Variants in TMEM167B observed in about 807,000 individuals in gnomAD.
TMEM167B encodes transmembrane protein 167B, also known as protein kish-B.
In TMEM167B, 2 loss-of-function variants were observed where a neutral mutation model predicts 9.4. The ratio of observed to expected loss-of-function variants is 0.21; its 90% CI spans 0.09 to 0.67. TMEM167B has a LOEUF of 0.67. TMEM167B is among the 30% of genes least tolerant of loss of function. The pLI is 0.82. For synonymous variants in TMEM167B, 28 were observed against 32.0 expected (o/e 0.87, Z 0.42); for missense variants, 68 against 87.6 (o/e 0.78, Z 0.89).
In TMEM167B at chr1:109,094,765, C is replaced by A. The variant is rs1231624218; in HGVS notation, c.*266C>A. The stretch of plus-strand genomic sequence containing the variant: ...CATATAATGTCCGGATAAATTACAC[C>A]CCTCGGTGATAAGATTACATACCTC... On this transcript the variant is annotated 3_prime_UTR_variant, in exon 3 of 3. Transcript: ENST00000338272. 4.8e-6 allele frequency: 2 copies of A among 418,470 alleles called. No homozygotes were observed. The highest frequency in any genetic ancestry group is 8.6e-6 in the Non-Finnish European group (2 of 233,350). The allele number at this position is 418,470 out of a possible 1,614,324, so 25.9% of individuals were successfully genotyped here.
chr1:109,094,713 A>G lies in TMEM167B; in HGVS notation c.*214A>G, dbSNP rs2102129280. 1.7e-6 allele frequency: 1 copy of G among 579,128 alleles called. No individual in the cohort carries two copies. The highest frequency in any genetic ancestry group is 3.1e-6 in the Non-Finnish European group (1 of 325,052). 35.9% of individuals were successfully genotyped at this position (579,128 alleles called of 1,614,324 possible). ...ACAGAAAGCCAGCTTCCTTTGATCT[A>G]TGTGTAAATCAGTCCTTGGCAGAGT... is the stretch of plus-strand genomic sequence containing the variant. On this transcript the variant is annotated 3_prime_UTR_variant, in exon 3 of 3. Coordinates refer to ENST00000338272, the MANE Select transcript of TMEM167B (RefSeq NM_020141.4).
At chr1:109,090,998 T>C in intron 1 of TMEM167B, 116 bp downstream of exon 1, 4 of 1,307,004 alleles carry the variant, frequency 3.1e-6, no homozygotes. Context: ...CGGCCCCCCT[T>C]GGCCTCTCGA....
chr1:109,092,429 C>A (rs1179832616), intron 1 of TMEM167B, among the ~76,000 whole-genome samples: 1 of 152,132 alleles, frequency 6.6e-6, no homozygotes, highest in East Asian at 1.9e-4. Flanking sequence ...ATGTTAAATT[C>A]TCTGTGCTGA....
intron 1 of TMEM167B, 149 bp downstream of exon 1, chr1:109,091,031 A>G (rs1490103418): frequency 4.5e-6 from 4 of 897,914 alleles, no homozygotes; most frequent in African/African-American, 3.7e-5. Context: ...CTGTACCCCT[A>G]TACTCCTCTA....
Position 109,095,275 on chromosome 1 carries a change from A to G in TMEM167B, c.*776A>G, listed in dbSNP as rs1232226244. The G allele has an allele frequency of 6.6e-6, 1 of 152,216 alleles. No homozygotes were observed. Among genetic ancestry groups the G allele is most frequent in the Admixed American group, 6.5e-5 (1 of 15,272 alleles). 9.4% of individuals were successfully genotyped at this position (152,216 alleles called of 1,614,324 possible). ...ATGGTATATGAAAAATGAATCAACT[A>G]TTGCTATTTCGTAAAACCTTTTTAT... is the stretch of plus-strand genomic sequence containing the variant. On this transcript the variant is annotated 3_prime_UTR_variant, in exon 3 of 3. Transcript: ENST00000338272.
chr1:109,093,414 C>G (rs1311358633), intron 2 of TMEM167B: 1 of 173,994 alleles, frequency 5.7e-6, no homozygotes, highest in Non-Finnish European at 1.2e-5. Context: ...ATTGCTTGAG[C>G]CTAGGAGGTT....
intron 2 of TMEM167B, chr1:109,093,321 A>G (rs768014353): frequency 3.6e-6 from 1 of 275,030 alleles, no homozygotes; most frequent in Non-Finnish European, 7.0e-6. Context: ...GTGAGACCCC[A>G]TTTCTACAAA....
At chr1:109,094,176 A>G (rs945045106) in intron 2 of TMEM167B, among the ~76,000 whole-genome samples, 1 of 152,164 alleles carries the variant, frequency 6.6e-6, no homozygotes, top group Non-Finnish European at 1.5e-5. Flanking sequence ...GCTACTCAAG[A>G]GGCTGAGGCA....
intron 1 of TMEM167B, among the ~76,000 whole-genome samples, chr1:109,091,102 G>C (rs915445790): frequency 6.6e-6 from 1 of 152,086 alleles, no homozygotes; most frequent in Non-Finnish European, 1.5e-5. Context: ...CACACCTCGA[G>C]TTATCTATCC....
rs765621297 is a variant in TMEM167B, at chr1:109,090,844, C to T, written c.-29C>T. On this transcript the variant is annotated 5_prime_UTR_variant, in exon 1 of 3. Coordinates refer to ENST00000338272, the MANE Select transcript of TMEM167B (RefSeq NM_020141.4). Reference sequence around the variant, plus strand: ...CGCCGCTATTACCACTGAACCCGGACCCCCTACCCAGGTCCAGGGCCAGCC... The same window carrying T: ...CGCCGCTATTACCACTGAACCCGGATCCCCTACCCAGGTCCAGGGCCAGCC... The T allele has an allele frequency of 3.2e-6, 5 of 1,584,146 alleles. No homozygotes were observed. The highest frequency in any genetic ancestry group is 1.3e-5 in the African/African-American group (1 of 74,348).
At chr1:109,093,665 A>C (rs1222154221) in intron 2 of TMEM167B, 1 of 152,226 alleles carries the variant, frequency 6.6e-6, no homozygotes, top group Non-Finnish European at 1.5e-5. Context: ...TTTTCTGTAA[A>C]TGGTACATTG....
At position 109,092,980 on chromosome 1, in the gene TMEM167B, T is replaced by A; in HGVS notation, c.101T>A (p.Leu34Gln). ...FKKVPRLKTW[L>Q]LSEKKGVWGV... ...AAAGTACCTCGTCTCAAAACCTGGC[T>A]GCTATCAGAGAAGAAGGGTGTTTGG... The change falls in exon 2 of 3, where the codon CTG becomes CAG. Residue 34 changes from leucine (L) to glutamine (Q), a missense_variant. Coordinates refer to ENST00000338272, the MANE Select transcript of TMEM167B (RefSeq NM_020141.4). 2.5e-6 allele frequency: 4 copies of A among 1,614,164 alleles called. No homozygotes were observed. The highest frequency in any genetic ancestry group is 3.4e-6 in the Non-Finnish European group (4 of 1,180,022).
intron 1 of TMEM167B, among the ~76,000 whole-genome samples, chr1:109,092,040 C>T (rs999537344): frequency 6.6e-6 from 1 of 152,196 alleles, no homozygotes; most frequent in Non-Finnish European, 1.5e-5. Flanking sequence ...ATTCTTCCCC[C>T]ATTTTGTGGT....
At chr1:109,092,811 T>C in intron 1 of TMEM167B, 79 bp from the exon 2 acceptor site, 1 of 1,524,492 alleles carries the variant, frequency 6.6e-7, no homozygotes, top group Non-Finnish European at 9.0e-7. Context: ...CACACTATCT[T>C]CCTTAGAGTT....
intron 2 of TMEM167B, chr1:109,093,719 TG>T (rs1046295325): frequency 6.6e-6 from 1 of 152,248 alleles, no homozygotes; most frequent in African/African-American, 2.4e-5. Context: ...GATGCTTTTT[TG>T]TACTTTTTAT....
At chr1:109,092,643 T>C (rs1327652150) in intron 1 of TMEM167B, among the ~76,000 whole-genome samples, 1 of 152,112 alleles carries the variant, frequency 6.6e-6, no homozygotes, top group Non-Finnish European at 1.5e-5. Context: ...ATGATCGTAG[T>C]TCATTGCAGC....
Position 109,094,520 on chromosome 1 carries a change from T to C in TMEM167B, c.*21T>C. 6.2e-7 allele frequency: 1 copy of C among 1,612,380 alleles called. No individual in the cohort carries two copies. Among genetic ancestry groups the C allele is most frequent in the Non-Finnish European group, 8.5e-7 (1 of 1,179,144 alleles). ...AATGAATTCCAAAGCACCCAAGTCATCAACTGCCAACCAAGGGGACGGGGA... is the reference window on the plus strand; with the variant it reads ...AATGAATTCCAAAGCACCCAAGTCACCAACTGCCAACCAAGGGGACGGGGA... On this transcript the variant is annotated 3_prime_UTR_variant, in exon 3 of 3. Coordinates refer to ENST00000338272, the MANE Select transcript of TMEM167B (RefSeq NM_020141.4).
chr1:109,092,741 G>A, intron 1 of TMEM167B, 149 bp from the exon 2 acceptor site: 1 of 894,702 alleles, frequency 1.1e-6, no homozygotes, highest in Non-Finnish European at 1.7e-6. Flanking sequence ...CCAGGATCCT[G>A]GCTCCCCCTT....
At chr1:109,092,263 G>C (rs955746649) in intron 1 of TMEM167B, among the ~76,000 whole-genome samples, 1 of 152,152 alleles carries the variant, frequency 6.6e-6, no homozygotes, top group Non-Finnish European at 1.5e-5. Flanking sequence ...GTAAGATAAT[G>C]ATAGGAAAAT....
Sources: allele counts gnomAD v4.1 joint callset (sites outside exome capture counted in the v4.1 genomes callset), GRCh38; gene constraint gnomAD v4.1.1; transcripts MANE v1.5; gene names NCBI Gene and HGNC (gene_info 2026-07-23, HGNC 2026-07-21).